Variants in PYROXD1 observed in about 807,000 individuals in gnomAD.
PYROXD1 encodes pyridine nucleotide-disulphide oxidoreductase domain 1.
Under a neutral mutation model 62.0 loss-of-function variants are expected in PYROXD1, and 42 were observed. That is an observed-to-expected ratio of 0.68 (90% CI 0.53 to 0.88). The LOEUF (loss-of-function observed/expected upper bound fraction) is 0.88, where lower values mean the gene tolerates loss of function less well. Ranked by LOEUF, PYROXD1 falls within the 40% of genes least tolerant of loss-of-function variation. The pLI is 0.00. For missense variants in PYROXD1, 493 were observed against 604.8 expected, an observed-to-expected ratio of 0.82 and a Z score of 1.94; for synonymous variants, 170 against 206.4, an observed-to-expected ratio of 0.82 and a Z score of 1.51.
At chr12:21,459,348 G>A (rs1321163240) in intron 7 of PYROXD1, among the ~76,000 whole-genome samples, 1 of 152,172 alleles carries the variant, frequency 6.6e-6, no homozygotes, top group Non-Finnish European at 1.5e-5. Flanking sequence ...GTTGCTAGAG[G>A]GTGGTCTATC....
At position 21,452,122 on chromosome 12, in the gene PYROXD1, C is replaced by G; in HGVS notation, c.456C>G (p.Ile152Met). 1 of 1,587,184 alleles carries G rather than the reference C, an allele frequency of 6.3e-7. No homozygotes were observed. Among genetic ancestry groups the G allele is most frequent in the Non-Finnish European group, 8.6e-7 (1 of 1,166,076 alleles). ...TTACTAAAGCTAAAAGAATAATGATCATAGGGAACGGTGGTATTGCACTTG... is the reference window on the plus strand; with the variant it reads ...TTACTAAAGCTAAAAGAATAATGATGATAGGGAACGGTGGTATTGCACTTG... ...KQLTKAKRIM[I>M]IGNGGIALEL... The change falls in exon 5 of 12, where the codon ATC (isoleucine) becomes ATG (methionine). Residue 152 changes from isoleucine to methionine, a missense_variant. Transcript: ENST00000240651.
In PYROXD1 at chr12:21,471,025, T is replaced by C. The variant is rs1400162004; in HGVS notation, c.*2271T>C. ...TGCATAGTAATAGCATGTGCCTCAT[T>C]GTTCAGAAGATTAGCTTTAGGTCCT... is the stretch of plus-strand genomic sequence containing the variant. On this transcript the variant is annotated 3_prime_UTR_variant, in exon 12 of 12. Transcript: ENST00000240651. 1.9e-6 allele frequency: 3 copies of C among 1,599,082 alleles called. No individual in the cohort carries two copies. Among genetic ancestry groups the C allele is most frequent in the Non-Finnish European group, 2.6e-6 (3 of 1,174,238 alleles).
intron 6 of PYROXD1, among the ~76,000 whole-genome samples, chr12:21,455,655 AAAATT>A (rs1174550205): frequency 6.6e-6 from 1 of 151,216 alleles, no homozygotes; most frequent in Non-Finnish European, 1.5e-5. Flanking sequence ...TTTAGATTAT[AAAATT>A]AAACAAGAGT....
Position 21,440,467 on chromosome 12 carries a change from C to T in PYROXD1, c.165+19C>T. On this transcript the variant is annotated intron_variant, in intron 2 of 11. Transcript: ENST00000240651. Reference sequence around the variant, plus strand: ...CAAGCAGGTAAGAACCTTTGTATAACTTGTTAATATTAATTTGAAAAAATT... The same window carrying T: ...CAAGCAGGTAAGAACCTTTGTATAATTTGTTAATATTAATTTGAAAAAATT... 1 of 1,411,300 alleles carries T rather than the reference C, an allele frequency of 7.1e-7. No individual in the cohort carries two copies. Among genetic ancestry groups the T allele is most frequent in the East Asian group, 2.3e-5 (1 of 43,458 alleles). 87.4% of individuals were successfully genotyped at this position (1,411,300 alleles called of 1,614,324 possible). A position where few individuals can be genotyped will look rare whatever the true frequency, so the allele number is the denominator to read the frequency against.
At chr12:21,445,558 C>A in intron 3 of PYROXD1, 92 bp downstream of exon 3, 1 of 1,253,410 alleles carries the variant, frequency 8.0e-7, no homozygotes, top group Non-Finnish European at 1.1e-6. Context: ...ACTACCACCA[C>A]CATTTAAGTT....
chr12:21,451,689 T>C (rs1385690257), intron 4 of PYROXD1, among the ~76,000 whole-genome samples: 1 of 151,892 alleles, frequency 6.6e-6, no homozygotes, highest in Non-Finnish European at 1.5e-5. Context: ...GAGCTTCTCA[T>C]TCCTAGAAGT....
At chr12:21,463,798 C>T (rs1369958923) in intron 10 of PYROXD1, among the ~76,000 whole-genome samples, 1 of 152,096 alleles carries the variant, frequency 6.6e-6, no homozygotes, top group Admixed American at 6.6e-5. Context: ...CTACCTCCTC[C>T]TAACGGTGGA....
chr12:21,460,838 G>C, intron 7 of PYROXD1, 187 bp from the exon 8 acceptor site: 1 of 364,532 alleles, frequency 2.7e-6, no homozygotes, highest in East Asian at 4.3e-5. Context: ...GTTACTGAAT[G>C]AATTTTTGTT....
intron 2 of PYROXD1, among the ~76,000 whole-genome samples, chr12:21,441,668 G>GT (rs1485529382): frequency 1.3e-5 from 2 of 151,870 alleles, no homozygotes; most frequent in Non-Finnish European, 2.9e-5. Flanking sequence ...GTTGCTTATT[G>GT]TTTTTCTGAT....
In PYROXD1 at chr12:21,445,484, T is replaced by G; in HGVS notation, c.285+18T>G. 1 of 1,563,084 alleles carries G rather than the reference T, an allele frequency of 6.4e-7. No individual in the cohort carries two copies. Among genetic ancestry groups the G allele is most frequent in the Non-Finnish European group, 8.6e-7 (1 of 1,159,180 alleles). On this transcript the variant is annotated intron_variant, in intron 3 of 11. Coordinates refer to ENST00000240651, the MANE Select transcript of PYROXD1 (RefSeq NM_024854.5). ...AAGAACACGTAAGATAATTGTTTTC[T>G]TAATAACATTTTCCATTGTTGAATC...
intron 6 of PYROXD1, 64 bp from the exon 7 acceptor site, chr12:21,455,931 C>A: frequency 1.9e-6 from 2 of 1,043,022 alleles, no homozygotes; most frequent in Non-Finnish European, 2.9e-6. Flanking sequence ...AAATAAAAAA[C>A]TTCAGAACAC....
chr12:21,463,135 G>C lies in PYROXD1; in HGVS notation c.1116+273G>C, dbSNP rs78144612. 1.0e-4 allele frequency among the ~76,000 whole-genome samples: 4 copies of C among 39,190 alleles called. No homozygotes were observed. The East Asian group carries it at 3.7e-3, about 37-fold the overall frequency. The allele number at this position is 39,190 out of a possible 152,430, so 25.7% of individuals were successfully genotyped here. A position where few individuals can be genotyped will look rare whatever the true frequency, so the allele number is the denominator to read the frequency against. On this transcript the variant is annotated intron_variant, in intron 10 of 11. Transcript: ENST00000240651. ...TTACCTGCTTATCAGCACTGTCCAG[G>C]AGAACTTTCTGTGATGATGGAAATG...
At chr12:21,438,152 T>C (rs1257225158) in intron 1 of PYROXD1, 1 of 233,234 alleles carries the variant, frequency 4.3e-6, no homozygotes, top group Non-Finnish European at 8.4e-6. Flanking sequence ...TTTTTTTCTT[T>C]TTCTTTGAGA....
At chr12:21,457,774 T>G (rs995638184) in intron 7 of PYROXD1, among the ~76,000 whole-genome samples, 7 of 152,074 alleles carry the variant, frequency 4.6e-5, no homozygotes, top group African/African-American at 1.7e-4. Flanking sequence ...AAAACAGCAC[T>G]AAGGATGGTG....
At chr12:21,445,514 T>C in intron 3 of PYROXD1, 48 bp downstream of exon 3, 2 of 1,520,638 alleles carry the variant, frequency 1.3e-6, no homozygotes, top group Non-Finnish European at 1.8e-6. Context: ...TGAATCTTGA[T>C]GAAGTTTTGC....
intron 10 of PYROXD1, among the ~76,000 whole-genome samples, chr12:21,466,148 G>A (rs1225636498): frequency 1.3e-5 from 2 of 150,724 alleles, no homozygotes; most frequent in Non-Finnish European, 3.0e-5. Flanking sequence ...TTGGCGATGC[G>A]GGCTCTTTTT....
chr12:21,452,303 A>T, intron 5 of PYROXD1, 149 bp downstream of exon 5: 3 of 575,976 alleles, frequency 5.2e-6, no homozygotes, highest in Non-Finnish European at 8.0e-6. Flanking sequence ...TATAATTTTC[A>T]TATGTTTTCA....
chr12:21,446,933 T>A (rs1447107962), intron 3 of PYROXD1, among the ~76,000 whole-genome samples: 1 of 152,020 alleles, frequency 6.6e-6, no homozygotes, highest in Non-Finnish European at 1.5e-5. Flanking sequence ...TAATAATAAT[T>A]TTTAAAAAAT....
intron 7 of PYROXD1, among the ~76,000 whole-genome samples, 190 bp downstream of exon 7, chr12:21,456,285 A>G (rs1344448671): frequency 5.9e-5 from 9 of 152,200 alleles, no homozygotes; most frequent in African/African-American, 2.2e-4. Flanking sequence ...ATGTCAAAGC[A>G]TCGAAGACTG....
Sources: gnomAD v4.1 joint callset for allele counts (sites outside exome capture counted in the v4.1 genomes callset) on GRCh38, gnomAD v4.1.1 for gene constraint, MANE v1.5 for transcripts, NCBI Gene and HGNC (gene_info 2026-07-23, HGNC 2026-07-21) for gene names.